The following SMPD3 variants were observed in gnomAD, a reference collection of about 807,000 sequenced individuals.
SMPD3 encodes sphingomyelin phosphodiesterase 3.
Under a neutral mutation model 55.7 loss-of-function variants are expected in SMPD3, and 21 were observed. That is an observed-to-expected ratio of 0.38 (90% confidence interval 0.27 to 0.54). SMPD3 has a LOEUF of 0.54. SMPD3 is among the 20% of genes least tolerant of loss of function. The probability of loss-of-function intolerance (pLI) is 0.80; values close to 1 mark genes in which losing one functional copy is unlikely to be tolerated. For synonymous variants in SMPD3, 457 were observed against 404.3 expected, an observed-to-expected ratio of 1.13 and a Z score of -1.56; for missense variants, 842 against 899.6, an observed-to-expected ratio of 0.94 and a Z score of 0.82.
Position 68,447,548 on chromosome 16 carries a change from A to G in SMPD3, c.-269+805T>C, listed in dbSNP as rs1432345366. ...CCCTCCTGTCCTCGTACATCCCCCT[A>G]CACTACCTCTCACACCCAGGCCACC... is the stretch of plus-strand genomic sequence containing the variant. On this transcript the variant is annotated intron_variant, in intron 1 of 8. Coordinates refer to ENST00000219334, the MANE Select transcript of SMPD3 (RefSeq NM_018667.4). The surrounding 1 kb of genome is among the most constrained non-coding windows in gnomAD (Gnocchi z 5.1). Among the ~76,000 whole-genome samples, 1 of 149,238 alleles carries G rather than the reference A, an allele frequency of 6.7e-6. No homozygotes were observed. Among genetic ancestry groups the G allele is most frequent in the Non-Finnish European group, 1.5e-5 (1 of 67,140 alleles).
intron 1 of SMPD3, among the ~76,000 whole-genome samples, chr16:68,405,635 G>A (rs754441834): frequency 1.3e-5 from 2 of 151,178 alleles, no homozygotes; most frequent in Non-Finnish European, 2.9e-5. Context: ...CCCCCATCAT[G>A]GGCCTCACTA....
In SMPD3 at chr16:68,370,844, G is replaced by A; in HGVS notation, c.1323+15C>T. The stretch of plus-strand genomic sequence containing the variant: ...AGCTGGCACGTGGTCCTCAGGCTGG[G>A]CCGAGGTCTCCTACCTTGAGAAACA... On this transcript the variant is annotated intron_variant, in intron 3 of 8. Transcript: ENST00000219334. The A allele has an allele frequency of 6.2e-7, 1 of 1,612,468 alleles. No individual in the cohort carries two copies. The highest frequency in any genetic ancestry group is 8.5e-7 in the Non-Finnish European group (1 of 1,179,324).
intron 1 of SMPD3, among the ~76,000 whole-genome samples, chr16:68,435,424 C>A (rs1462172501): frequency 6.6e-6 from 1 of 152,204 alleles, no homozygotes; most frequent in Non-Finnish European, 1.5e-5. Context: ...CATATTAAAA[C>A]TCTCTACAGG....
chr16:68,361,637 T>C lies in SMPD3; in HGVS notation c.1832A>G (p.His611Arg), dbSNP rs1469952697. The C allele has an allele frequency of 1.2e-6, 2 of 1,611,092 alleles. No homozygotes were observed. Among genetic ancestry groups the C allele is most frequent in the South Asian group, 2.2e-5 (2 of 91,088 alleles). The stretch of plus-strand genomic sequence containing the variant: ...GTCTGGGCACAGCCCCTCCTCTGCA[T>C]GCAGCATGTAGTCGATGCGCCGGCC... Reference protein sequence around the residue: ...GNGRRIDYMLHAEEGLCPDWK... With the variant: ...GNGRRIDYMLRAEEGLCPDWK... Residue 611 changes from histidine (H) to arginine (R), a missense_variant, in exon 8 of 9, where the codon CAT (histidine) becomes CGT (arginine). Coordinates refer to ENST00000219334, the MANE Select transcript of SMPD3 (RefSeq NM_018667.4).
chr16:68,439,128 T>G (rs560904543), intron 1 of SMPD3, among the ~76,000 whole-genome samples: 2 of 152,354 alleles, frequency 1.3e-5, no homozygotes, highest in East Asian at 3.9e-4. Flanking sequence ...TTAGTTTTAT[T>G]GCCCCAGAGG....
At chr16:68,397,988 A>G (rs1457010103) in intron 1 of SMPD3, among the ~76,000 whole-genome samples, 1 of 146,484 alleles carries the variant, frequency 6.8e-6, no homozygotes, top group Non-Finnish European at 1.5e-5. Context: ...CCCCAAAGGC[A>G]GCCTTCCAGA....
intron 1 of SMPD3, among the ~76,000 whole-genome samples, chr16:68,390,999 G>A (rs2090106449): frequency 6.6e-6 from 1 of 152,210 alleles, no homozygotes; most frequent in Non-Finnish European, 1.5e-5. Context: ...GAGGTGGACA[G>A]TGCCCCCACC....
intron 1 of SMPD3, among the ~76,000 whole-genome samples, chr16:68,427,243 C>T (rs1453960449): frequency 6.6e-6 from 1 of 152,060 alleles, no homozygotes; most frequent in Non-Finnish European, 1.5e-5. Context: ...CCTCATGTGA[C>T]CCACCTGCCT....
chr16:68,385,847 A>G (rs59130209), intron 2 of SMPD3, among the ~76,000 whole-genome samples: 3,036 of 152,298 alleles, frequency 0.02, 128 homozygotes, highest in African/African-American at 0.068. Context: ...ACTGCTTTCT[A>G]CCAAGGTTCT....
chr16:68,366,102 A>T (rs193132087), intron 3 of SMPD3, among the ~76,000 whole-genome samples: 1 of 152,342 alleles, frequency 6.6e-6, no homozygotes, highest in Admixed American at 6.5e-5. Context: ...CCCCAGACCC[A>T]AAAAGCACTC....
intron 3 of SMPD3, among the ~76,000 whole-genome samples, chr16:68,366,488 C>G (rs190211660): frequency 6.6e-6 from 1 of 152,242 alleles, no homozygotes; most frequent in Non-Finnish European, 1.5e-5. Context: ...ACAGCATCCC[C>G]GCCCCCCGAA....
intron 2 of SMPD3, among the ~76,000 whole-genome samples, chr16:68,372,722 C>T (rs1429845715): frequency 1.3e-5 from 2 of 152,194 alleles, no homozygotes; most frequent in South Asian, 2.1e-4. Context: ...GGCAGGGCAT[C>T]CTAGAGGATG....
At chr16:68,401,401 T>C (rs2090204173) in intron 1 of SMPD3, among the ~76,000 whole-genome samples, 1 of 151,820 alleles carries the variant, frequency 6.6e-6, no homozygotes, top group Non-Finnish European at 1.5e-5. Context: ...GAGTAGAAAA[T>C]GCAAGACTTG....
intron 4 of SMPD3, 35 bp from the exon 5 acceptor site, chr16:68,364,941 G>C: frequency 6.2e-7 from 1 of 1,612,940 alleles, no homozygotes; most frequent in Non-Finnish European, 8.5e-7. Context: ...GGATGATGAA[G>C]TTCGCCCCAG....
intron 1 of SMPD3, among the ~76,000 whole-genome samples, chr16:68,388,654 C>G (rs2090083478): frequency 6.6e-6 from 1 of 152,140 alleles, no homozygotes. Context: ...ACCCCACTCC[C>G]ATGCCCCACC....
intron 1 of SMPD3, among the ~76,000 whole-genome samples, chr16:68,436,414 C>A (rs2090523675): frequency 2.0e-5 from 3 of 152,126 alleles, no homozygotes; most frequent in African/African-American, 7.2e-5. Context: ...GATTATGCTT[C>A]CAGTGCTCTC....
At chr16:68,396,905 A>C (rs1005086543) in intron 1 of SMPD3, among the ~76,000 whole-genome samples, 1 of 152,184 alleles carries the variant, frequency 6.6e-6, no homozygotes, top group African/African-American at 2.4e-5. Flanking sequence ...TGGAATCATC[A>C]TCTTCATCAA....
intron 1 of SMPD3, among the ~76,000 whole-genome samples, chr16:68,438,992 G>A (rs1457129248): frequency 6.6e-6 from 1 of 152,090 alleles, no homozygotes; most frequent in African/African-American, 2.4e-5. Context: ...GATAATAATG[G>A]TATTCTTTTA....
At chr16:68,372,935 G>A (rs1033979084) in intron 2 of SMPD3, among the ~76,000 whole-genome samples, 3 of 152,232 alleles carry the variant, frequency 2.0e-5, no homozygotes, top group Admixed American at 6.5e-5. Context: ...AGTGTGGCCA[G>A]CAGGGCCGCA....
Sources: allele counts gnomAD v4.1 joint callset (sites outside exome capture counted in the v4.1 genomes callset), GRCh38; gene constraint gnomAD v4.1.1; non-coding constraint Gnocchi (gnomAD v3.1); transcripts MANE v1.5; gene names NCBI Gene and HGNC (gene_info 2026-07-23, HGNC 2026-07-21).